DDX10: variants seen among roughly 807,000 people sequenced by gnomAD.
The protein encoded by DDX10 is DEAD-box helicase 10.
In DDX10, 74 loss-of-function variants were observed where a neutral mutation model predicts 104.3. That is an observed-to-expected ratio of 0.71 (90% CI 0.59 to 0.86). DDX10 has a LOEUF of 0.86. Ranked by LOEUF, DDX10 falls within the 40% of genes least tolerant of loss-of-function variation. DDX10 has a pLI of 0.00. For synonymous variants in DDX10, 351 were observed against 353.4 expected (o/e 0.99, Z 0.08); for missense variants, 952 against 1,040.0 (o/e 0.92, Z 1.16).
intron 15 of DDX10, among the ~76,000 whole-genome samples, chr11:108,841,711 A>G (rs1350890955): frequency 6.6e-6 from 1 of 152,142 alleles, no homozygotes; most frequent in Non-Finnish European, 1.5e-5. Context: ...GGTGATCTAA[A>G]TAATATTAGT....
rs558351816 is a variant in DDX10, at chr11:108,812,577, CTT to C, written c.1966-25867_1966-25866del. On this transcript the variant is annotated intron_variant, in intron 13 of 17. Coordinates refer to ENST00000322536, the MANE Select transcript of DDX10 (RefSeq NM_004398.4). ...TTTGTACTTCTTAGATATTATTACT[CTT>C]TATCAACTTATGCATGTTCTTCTGT... 6.1e-4 allele frequency among the ~76,000 whole-genome samples: 93 copies of C among 152,044 alleles called. 1 individual carries two copies. The highest frequency in any genetic ancestry group is 1.2e-3 in the Non-Finnish European group (82 of 68,010).
chr11:108,719,212 G>C (rs748645518), intron 11 of DDX10, among the ~76,000 whole-genome samples: 2 of 149,682 alleles, frequency 1.3e-5, no homozygotes, highest in Non-Finnish European at 3.0e-5. Flanking sequence ...TCCTGAAATG[G>C]TTTTATTAAA....
At chr11:108,799,456 G>A (rs1250481174) in intron 13 of DDX10, among the ~76,000 whole-genome samples, 1 of 152,122 alleles carries the variant, frequency 6.6e-6, no homozygotes, top group Non-Finnish European at 1.5e-5. Flanking sequence ...GTTGATTGCA[G>A]CCTTTGTCTG....
chr11:108,830,857 T>G (rs1339637813), intron 13 of DDX10, among the ~76,000 whole-genome samples: 1 of 152,216 alleles, frequency 6.6e-6, no homozygotes, highest in Non-Finnish European at 1.5e-5. Context: ...ACAAAAAGAT[T>G]TTGTAGATGG....
intron 9 of DDX10, among the ~76,000 whole-genome samples, chr11:108,697,737 A>G (rs181090408): frequency 5.9e-5 from 9 of 152,314 alleles, no homozygotes; most frequent in African/African-American, 9.6e-5. Flanking sequence ...TTAAAAAGCA[A>G]TTCTCTTTAG....
intron 13 of DDX10, among the ~76,000 whole-genome samples, chr11:108,748,405 T>C (rs1195458275): frequency 1.3e-5 from 2 of 152,164 alleles, no homozygotes; most frequent in African/African-American, 4.8e-5. Context: ...ACATTGAAGA[T>C]CTGGACAACA....
intron 13 of DDX10, among the ~76,000 whole-genome samples, chr11:108,733,297 T>C (rs1235010279): frequency 2.0e-5 from 3 of 152,142 alleles, no homozygotes; most frequent in African/African-American, 7.2e-5. Context: ...TCACTTTTTC[T>C]CTTTCTCTCT....
rs570159720 is a variant in DDX10, at chr11:108,686,337, A to G, written c.849-2599A>G. 6.4e-4 allele frequency among the ~76,000 whole-genome samples: 98 copies of G among 152,298 alleles called. 1 individual carries two copies. Among genetic ancestry groups the G allele is most frequent in the Admixed American group, 1.9e-3 (29 of 15,300 alleles). ...GACAAATTTATGATAACATATGTCT[A>G]CTGTTATAGTATTTCACAGTATATT... On this transcript the variant is annotated intron_variant, in intron 6 of 17. Transcript: ENST00000322536.
chr11:108,682,840 T>C (rs2094237474), intron 6 of DDX10, among the ~76,000 whole-genome samples: 2 of 152,242 alleles, frequency 1.3e-5, no homozygotes, highest in South Asian at 4.1e-4. Flanking sequence ...AAAACCTCTT[T>C]ATTTCATCTT....
chr11:108,935,829 A>G (rs1166182255), intron 17 of DDX10, among the ~76,000 whole-genome samples: 1 of 152,172 alleles, frequency 6.6e-6, no homozygotes, highest in Non-Finnish European at 1.5e-5. Flanking sequence ...TTTCCCTGTC[A>G]TCATCTGTTT....
intron 15 of DDX10, among the ~76,000 whole-genome samples, chr11:108,847,571 T>C (rs1191710100): frequency 6.6e-6 from 1 of 152,210 alleles, no homozygotes; most frequent in Non-Finnish European, 1.5e-5. Context: ...CATTAGAAAG[T>C]TAAGAAAGAA....
At chr11:108,705,801 G>A (rs1051053373) in intron 9 of DDX10, among the ~76,000 whole-genome samples, 2 of 152,086 alleles carry the variant, frequency 1.3e-5, no homozygotes, top group African/African-American at 4.8e-5. Flanking sequence ...CTGACATTAA[G>A]GTATTGGGAA....
chr11:108,844,146 A>G (rs535211320), intron 15 of DDX10, among the ~76,000 whole-genome samples: 2 of 152,322 alleles, frequency 1.3e-5, no homozygotes, highest in South Asian at 4.1e-4. Flanking sequence ...TTCTGTGACT[A>G]CAAGAGTCAC....
At chr11:108,866,156 C>T (rs1257022789) in intron 16 of DDX10, among the ~76,000 whole-genome samples, 3 of 151,894 alleles carry the variant, frequency 2.0e-5, no homozygotes, top group Non-Finnish European at 2.9e-5. Context: ...TAGTTGGACT[C>T]TGGAGAGTGA....
chr11:108,742,736 A>C (rs2094326802), intron 13 of DDX10, among the ~76,000 whole-genome samples: 1 of 152,146 alleles, frequency 6.6e-6, no homozygotes, highest in Non-Finnish European at 1.5e-5. Flanking sequence ...AGAGATACAA[A>C]AAACCCTTAG....
intron 16 of DDX10, among the ~76,000 whole-genome samples, chr11:108,899,412 T>G (rs777031181): frequency 6.6e-6 from 1 of 151,874 alleles, no homozygotes; most frequent in Non-Finnish European, 1.5e-5. Flanking sequence ...CATTTCAAAA[T>G]AAACAGGAAA....
chr11:108,667,446 G>A (rs2094211523), intron 1 of DDX10, among the ~76,000 whole-genome samples: 1 of 152,184 alleles, frequency 6.6e-6, no homozygotes, highest in African/African-American at 2.4e-5. Context: ...GTGTCAACAT[G>A]TTCTAGTCTG....
chr11:108,701,326 G>C (rs1172060128), intron 9 of DDX10, among the ~76,000 whole-genome samples: 1 of 152,034 alleles, frequency 6.6e-6, no homozygotes, highest in East Asian at 1.9e-4. Context: ...TGAAATCTTG[G>C]GGATGGTTGT....
At chr11:108,809,119 A>G (rs892869170) in intron 13 of DDX10, among the ~76,000 whole-genome samples, 1 of 152,192 alleles carries the variant, frequency 6.6e-6, no homozygotes, top group Non-Finnish European at 1.5e-5. Flanking sequence ...TATTAAAACA[A>G]TGGAGAATAC....
Sources: allele counts gnomAD v4.1 joint callset (sites outside exome capture counted in the v4.1 genomes callset), GRCh38; gene constraint gnomAD v4.1.1; transcripts MANE v1.5; gene names NCBI Gene and HGNC (gene_info 2026-07-23, HGNC 2026-07-21).